CNBD2: variants seen among roughly 807,000 people sequenced by gnomAD.
The protein encoded by CNBD2 is cyclic nucleotide-binding domain-containing protein 2.
A neutral mutation model predicts 63.7 loss-of-function variants in CNBD2; 64 were observed. The ratio of observed to expected loss-of-function variants is 1.00; its 90% CI spans 0.82 to 1.24. The LOEUF (loss-of-function observed/expected upper bound fraction) is 1.24. Ranked by LOEUF, CNBD2 falls within the 50% of genes most tolerant of loss-of-function variation. CNBD2 has a pLI of 0.00. For missense variants in CNBD2, 691 were observed against 713.5 expected, an observed-to-expected ratio of 0.97 and a Z score of 0.36; for synonymous variants, 229 against 255.4, an observed-to-expected ratio of 0.90 and a Z score of 0.99.
chr20:36,001,827 C>T (rs1244213230), intron 8 of CNBD2, among the ~76,000 whole-genome samples: 2 of 151,368 alleles, frequency 1.3e-5, no homozygotes, highest in South Asian at 2.1e-4. Flanking sequence ...CTCCTCACTT[C>T]GTAGATGGGA....
intron 4 of CNBD2, among the ~76,000 whole-genome samples, chr20:35,983,616 G>T (rs999952173): frequency 6.6e-6 from 1 of 152,158 alleles, no homozygotes; most frequent in African/African-American, 2.4e-5. Context: ...CTGGGCTAAC[G>T]CTAAAGCCAG....
At chr20:35,980,415 GA>G in intron 3 of CNBD2, 43 bp from the exon 4 acceptor site, 1 of 1,602,100 alleles carries the variant, frequency 6.2e-7, no homozygotes, top group Non-Finnish European at 8.5e-7. Context: ...GCCCATGGGT[GA>G]AATTGCTGGG....
At chr20:36,009,191 A>T (rs535203193) in intron 9 of CNBD2, among the ~76,000 whole-genome samples, 1 of 150,484 alleles carries the variant, frequency 6.6e-6, no homozygotes, top group African/African-American at 2.4e-5. Context: ...ACAGAGCAAG[A>T]TCTTGTCTCT....
At chr20:36,012,691 G>A (rs1031301113) in intron 10 of CNBD2, among the ~76,000 whole-genome samples, 2 of 150,834 alleles carry the variant, frequency 1.3e-5, no homozygotes, top group African/African-American at 2.4e-5. Flanking sequence ...CAGGCATGGT[G>A]GACACCTGTA....
rs1318423649 is a variant in CNBD2, at chr20:35,989,912, G to A, written c.855+2379G>A. ...GAGAAGAGGGGAGGGGAGGGGAGGG[G>A]GAAGAAAGGAAGGAAAGAAGAAAGG... On this transcript the variant is annotated intron_variant, in intron 7 of 11. Transcript: ENST00000373973. Among the ~76,000 whole-genome samples, 7 of 148,358 alleles carry A rather than the reference G, an allele frequency of 4.7e-5. No individual in the cohort carries two copies. In the Admixed American group the frequency reaches 4.8e-4, roughly 10 times the overall value.
intron 8 of CNBD2, among the ~76,000 whole-genome samples, chr20:35,997,782 C>G (rs1443744875): frequency 6.6e-6 from 1 of 152,128 alleles, no homozygotes; most frequent in Non-Finnish European, 1.5e-5. Context: ...ATGCATGAGG[C>G]CTTATAAGTA....
At chr20:36,002,304 G>A (rs891261501) in intron 8 of CNBD2, among the ~76,000 whole-genome samples, 3 of 152,266 alleles carry the variant, frequency 2.0e-5, no homozygotes, top group Non-Finnish European at 1.5e-5. Flanking sequence ...GGCTGAGGCA[G>A]GAGAATCAGG....
downstream of CNBD2, chr20:35,959,558 T>C (rs1330905593): frequency 6.6e-6 from 1 of 152,166 alleles, no homozygotes; most frequent in African/African-American, 2.4e-5. Context: ...GTGAGACTTA[T>C]TCACTACCAT....
At chr20:35,992,825 T>C (rs147828361) in intron 7 of CNBD2, among the ~76,000 whole-genome samples, 2,091 of 151,188 alleles carry the variant, frequency 0.014, 57 homozygotes, top group African/African-American at 0.049. Flanking sequence ...TCTTTTTTTT[T>C]CCTGCCTGGC....
At position 35,975,953 on chromosome 20, in the gene CNBD2, A is replaced by G. The variant is rs2056511445; in HGVS notation, c.194A>G (p.Lys65Arg). ...KHPIFSFWDKKMQSRVTFDTM... is the reference protein window; with the variant it reads ...KHPIFSFWDKRMQSRVTFDTM... ...TCCCTGCCCTCTTTCTTTCAGAAAA[A>G]GATGCAAAGCCGAGTCACATTTGAT... Residue 65 changes from lysine to arginine, a missense_variant, in exon 3 of 12, where the codon AAG becomes AGG. Physicochemically the swap from Lys to Arg is conservative, Grantham distance 26 (BLOSUM62 2). Transcript: ENST00000373973. 2 of 1,612,560 alleles carry G rather than the reference A, an allele frequency of 1.2e-6. No individual in the cohort carries two copies. The highest frequency in any genetic ancestry group is 1.7e-6 in the Non-Finnish European group (2 of 1,178,752).
At chr20:35,997,151 C>G (rs1255443370) in intron 8 of CNBD2, among the ~76,000 whole-genome samples, 1 of 151,990 alleles carries the variant, frequency 6.6e-6, no homozygotes, top group Non-Finnish European at 1.5e-5. Flanking sequence ...TTTGTGTCAC[C>G]CACTTGGGTC....
intron 4 of CNBD2, among the ~76,000 whole-genome samples, chr20:35,980,964 T>G (rs1452619950): frequency 6.6e-6 from 1 of 152,164 alleles, no homozygotes; most frequent in Non-Finnish European, 1.5e-5. Flanking sequence ...GAAACAGCGC[T>G]GAAGCTCTTT....
intron 3 of CNBD2, among the ~76,000 whole-genome samples, chr20:35,979,772 G>A (rs1393066003): frequency 6.6e-6 from 1 of 152,118 alleles, no homozygotes; most frequent in Non-Finnish European, 1.5e-5. Context: ...AATATTCCAG[G>A]CAGAAAAAAA....
In CNBD2 at chr20:35,987,472, C is replaced by T. The variant is rs767996674; in HGVS notation, c.794C>T (p.Ser265Leu). 1.9e-6 allele frequency: 3 copies of T among 1,614,134 alleles called. No individual in the cohort carries two copies. The highest frequency in any genetic ancestry group is 2.5e-6 in the Non-Finnish European group (3 of 1,180,020). ...GCCATGGCGAAGATAGAGAGGTTCT[C>T]GTATGGGCAGCTGATCTCAAAAGAT... is the stretch of plus-strand genomic sequence containing the variant. ...LVAMAKIERF[S>L]YGQLISKDFG... The change falls in exon 7 of 12, where the codon TCG becomes TTG. Residue 265 changes from serine to leucine, a missense_variant. Transcript: ENST00000373973.
upstream of CNBD2, among the ~76,000 whole-genome samples, chr20:35,968,195 T>C (rs931450772): frequency 6.6e-5 from 10 of 152,102 alleles, no homozygotes; most frequent in Non-Finnish European, 1.5e-4. Flanking sequence ...AAGGGGCAGG[T>C]TAATGCAAAT....
At chr20:35,998,161 C>T (rs1208651064) in intron 8 of CNBD2, among the ~76,000 whole-genome samples, 1 of 151,284 alleles carries the variant, frequency 6.6e-6, no homozygotes, top group East Asian at 2.0e-4. Context: ...CCTGCCTCAG[C>T]CTCCCGAGTA....
At chr20:36,009,739 C>A (rs1220780510) in intron 9 of CNBD2, among the ~76,000 whole-genome samples, 1 of 151,904 alleles carries the variant, frequency 6.6e-6, no homozygotes, top group South Asian at 2.1e-4. Flanking sequence ...GGCTGAGGCA[C>A]AAGAATCGCT....
At chr20:36,022,053 G>C (rs1327914313) in intron 10 of CNBD2, among the ~76,000 whole-genome samples, 6 of 151,436 alleles carry the variant, frequency 4.0e-5, no homozygotes, top group East Asian at 3.9e-4. Context: ...CTGTCACCCA[G>C]GCTGGAGTGC....
intron 10 of CNBD2, among the ~76,000 whole-genome samples, chr20:36,014,919 C>G (rs926395311): frequency 5.3e-5 from 8 of 152,188 alleles, no homozygotes; most frequent in African/African-American, 9.6e-5. Context: ...CAGGCGTGAA[C>G]CATCGTGCCT....
Sources: allele counts gnomAD v4.1 joint callset (sites outside exome capture counted in the v4.1 genomes callset), GRCh38; gene constraint gnomAD v4.1.1; transcripts MANE v1.5; gene names NCBI Gene and HGNC (gene_info 2026-07-23, HGNC 2026-07-21).